Variants in RB1 observed in about 807,000 individuals in gnomAD.
The protein encoded by RB1 is RB transcriptional corepressor 1, also known as retinoblastoma-associated protein.
A neutral mutation model predicts 135.4 loss-of-function variants in RB1; 18 were observed. The ratio of observed to expected loss-of-function variants is 0.13; its 90% CI spans 0.09 to 0.20. The LOEUF is 0.20. Among genes scored for constraint, RB1 ranks in the 10% least tolerant of loss-of-function variants. The probability of loss-of-function intolerance (pLI) is 1.00; values close to 1 mark genes in which losing one functional copy is unlikely to be tolerated. For missense variants in RB1, 868 were observed against 1,110.0 expected (o/e 0.78, Z 3.10); for synonymous variants, 365 against 373.2 (o/e 0.98, Z 0.25).
intron 17 of RB1, among the ~76,000 whole-genome samples, chr13:48,392,750 TTC>T (rs56362226): frequency 6.6e-6 from 1 of 151,396 alleles, no homozygotes; most frequent in East Asian, 2.0e-4. Flanking sequence ...TGACTGATAG[TTC>T]TCTCTCTCTC....
chr13:48,436,875 A>G (rs1949190018), intron 17 of RB1, among the ~76,000 whole-genome samples: 1 of 152,206 alleles, frequency 6.6e-6, no homozygotes, highest in Admixed American at 6.5e-5. Flanking sequence ...TTCTAATAAT[A>G]TTCCTTAAAA....
chr13:48,375,274 C>T, intron 12 of RB1, among the ~76,000 whole-genome samples: 1 of 152,066 alleles, frequency 6.6e-6, no homozygotes, highest in East Asian at 1.9e-4. Flanking sequence ...TTGCATATGT[C>T]AAAGTGAACA....
At chr13:48,381,054 C>A (rs190134990) in intron 16 of RB1, among the ~76,000 whole-genome samples, 193 bp from the exon 17 acceptor site, 1 of 152,190 alleles carries the variant, frequency 6.6e-6, no homozygotes, top group African/African-American at 2.4e-5. Flanking sequence ...CTAGGAAAAA[C>A]ACAGATTTGC....
At chr13:48,313,577 C>T (rs2138043293) in intron 2 of RB1, among the ~76,000 whole-genome samples, 1 of 148,262 alleles carries the variant, frequency 6.7e-6, no homozygotes, top group African/African-American at 2.5e-5. Flanking sequence ...AGAGGTCTAA[C>T]TCCAGTCTTT....
chr13:48,346,098 T>C (rs930601497), intron 4 of RB1, among the ~76,000 whole-genome samples: 6 of 71,482 alleles, frequency 8.4e-5, no homozygotes, highest in Non-Finnish European at 1.9e-4. Context: ...GCATTGGCCA[T>C]CTTTTTTTTT....
chr13:48,402,371 TAGAAAACC>T (rs1948699707), intron 17 of RB1, among the ~76,000 whole-genome samples: 1 of 126,476 alleles, frequency 7.9e-6, no homozygotes, highest in African/African-American at 2.8e-5. Flanking sequence ...AAATCCCTTG[TAGAAAACC>T]TTTTTTTTTT....
At chr13:48,458,551 A>C (rs1949376609) in intron 19 of RB1, among the ~76,000 whole-genome samples, 1 of 152,160 alleles carries the variant, frequency 6.6e-6, no homozygotes, top group South Asian at 2.1e-4. Context: ...AAATTGTAGA[A>C]ATGAGAATTC....
intron 3 of RB1, 138 bp downstream of exon 3, chr13:48,342,852 C>T (rs1375764907): frequency 4.7e-6 from 3 of 637,192 alleles, no homozygotes; most frequent in Non-Finnish European, 8.3e-6. Flanking sequence ...AAATAGTGAA[C>T]TGCCATTCTC....
chr13:48,473,737 TTCAAC>T (rs1471506777), intron 24 of RB1, among the ~76,000 whole-genome samples: 2 of 152,120 alleles, frequency 1.3e-5, no homozygotes, highest in Non-Finnish European at 2.9e-5. Context: ...AAATCTATTC[TTCAAC>T]TCTCTGGTGT....
At chr13:48,315,043 A>ATT (rs113924372) in intron 2 of RB1, among the ~76,000 whole-genome samples, 1 of 150,456 alleles carries the variant, frequency 6.6e-6, no homozygotes. Context: ...TTTAAAATAG[A>ATT]TTTTTTTTTT....
At chr13:48,475,541 G>A (rs1371515068) in intron 24 of RB1, among the ~76,000 whole-genome samples, 2 of 152,268 alleles carry the variant, frequency 1.3e-5, no homozygotes, top group Non-Finnish European at 1.5e-5. Flanking sequence ...CAGGGACTCT[G>A]AGGGAGGCAG....
Position 48,435,881 on chromosome 13 carries a change from T to A in RB1, c.1696-17112T>A, listed in dbSNP as rs1050813764. On this transcript the variant is annotated intron_variant, in intron 17 of 26. Coordinates refer to ENST00000267163, the MANE Select transcript of RB1 (RefSeq NM_000321.3). ...GGGAACAAAGAAAAGATGAGACAAA[T>A]AGATGTAGAATTTAAACTAATTATA... 6.6e-5 allele frequency among the ~76,000 whole-genome samples: 10 copies of A among 152,274 alleles called. No homozygotes were observed. The East Asian group carries it at 1.9e-3, about 29-fold the overall frequency.
intron 17 of RB1, among the ~76,000 whole-genome samples, chr13:48,410,587 C>T (rs986872676): frequency 2.0e-5 from 3 of 152,126 alleles, no homozygotes; most frequent in South Asian, 2.1e-4. Flanking sequence ...GATGTAAGTG[C>T]ACCTTTAAAA....
intron 25 of RB1, 45 bp downstream of exon 25, chr13:48,476,888 C>A: frequency 1.2e-6 from 2 of 1,601,950 alleles, no homozygotes; most frequent in Non-Finnish European, 1.7e-6. Context: ...AGATGGTCAT[C>A]TGGGGAATCC....
chr13:48,318,526 T>C, intron 2 of RB1: 1 of 911,384 alleles, frequency 1.1e-6, no homozygotes, highest in Non-Finnish European at 1.7e-6. Context: ...CCGGGCCCCT[T>C]GGCTGCGCCC....
At chr13:48,305,316 G>T (rs1274324741) in intron 1 of RB1, among the ~76,000 whole-genome samples, 1 of 152,168 alleles carries the variant, frequency 6.6e-6, no homozygotes, top group Non-Finnish European at 1.5e-5. Context: ...TATTTAAATG[G>T]ACTGTCTTAT....
In RB1 at chr13:48,348,966, G is replaced by T; in HGVS notation, c.550G>T (p.Glu184Ter). The change falls in exon 6 of 27, where the codon GAA (glutamate) becomes TAA (stop). Residue 184 changes from glutamate to a stop codon, truncating the protein, a stop_gained. Transcript: ENST00000267163. LOFTEE classifies it high-confidence loss of function. ...CTATTTGTTTAATAGGATATCTACT[G>T]AAATAAATTCTGCATTGGTGCTAAA... ...LTQPSSSIST[E>*]INSALVLKVS... The T allele has an allele frequency of 6.3e-7, 1 of 1,599,662 alleles. No individual in the cohort carries two copies. The highest frequency in any genetic ancestry group is 2.3e-5 in the East Asian group (1 of 44,420).
At chr13:48,442,655 C>A (rs1184045595) in intron 17 of RB1, among the ~76,000 whole-genome samples, 1 of 152,128 alleles carries the variant, frequency 6.6e-6, no homozygotes, top group East Asian at 1.9e-4. Flanking sequence ...GTTAACACCT[C>A]ATTCAGATAA....
At chr13:48,395,412 G>T (rs148558699) in intron 17 of RB1, among the ~76,000 whole-genome samples, 5 of 152,032 alleles carry the variant, frequency 3.3e-5, no homozygotes, top group African/African-American at 4.8e-5. Context: ...TTCAGAAGGT[G>T]GGTAATAACA....
Sources: allele counts gnomAD v4.1 joint callset (sites outside exome capture counted in the v4.1 genomes callset), GRCh38; gene constraint gnomAD v4.1.1; transcripts MANE v1.5; gene names NCBI Gene and HGNC (gene_info 2026-07-23, HGNC 2026-07-21).